The following NRXN1 variants were observed in gnomAD, a reference collection of about 807,000 sequenced individuals.
The protein encoded by NRXN1 is neurexin 1, also known as neurexin-1.
NRXN1 carries 39 observed loss-of-function variants against 150.9 expected under a neutral mutation model. The ratio of observed to expected loss-of-function variants is 0.26; its 90% CI spans 0.20 to 0.34. The LOEUF is 0.34. NRXN1 is among the 10% of genes least tolerant of loss of function. The probability of loss-of-function intolerance (pLI) is 1.00; values close to 1 mark genes in which losing one functional copy is unlikely to be tolerated. For missense variants in NRXN1, 1,815 were observed against 1,949.9 expected (o/e 0.93, Z 1.30); for synonymous variants, 924 against 757.0 (o/e 1.22, Z -3.62).
intron 17 of NRXN1, among the ~76,000 whole-genome samples, chr2:50,446,449 A>G (rs1469234073): frequency 1.2e-5 from 1 of 86,720 alleles, no homozygotes; most frequent in African/African-American, 4.7e-5. Context: ...CCTTCCTTCC[A>G]TCCTTTCCCC....
intron 17 of NRXN1, among the ~76,000 whole-genome samples, chr2:50,261,627 C>G (rs1464916043): frequency 4.6e-5 from 7 of 151,726 alleles, no homozygotes; most frequent in African/African-American, 1.5e-4. Context: ...ATAAACCAAC[C>G]AAAACAGTGT....
chr2:50,996,741 T>C (rs1272737858), intron 2 of NRXN1, among the ~76,000 whole-genome samples: 1 of 146,656 alleles, frequency 6.8e-6, no homozygotes, highest in African/African-American at 2.8e-5. Context: ...GAAAATTGGC[T>C]GAGCTAGGAC....
intron 2 of NRXN1, among the ~76,000 whole-genome samples, chr2:51,012,137 C>T (rs1173180333): frequency 1.3e-5 from 2 of 151,904 alleles, no homozygotes; most frequent in Non-Finnish European, 2.9e-5. Context: ...CGTTGTTTCA[C>T]CAAAAAATAA....
intron 17 of NRXN1, among the ~76,000 whole-genome samples, chr2:50,341,483 TTTCA>T (rs1171750474): frequency 6.6e-6 from 1 of 152,226 alleles, no homozygotes; most frequent in Non-Finnish European, 1.5e-5. Context: ...CTTATTGTAT[TTTCA>T]TTTTATAAAT....
At chr2:50,089,963 T>A (rs1699346715) in intron 19 of NRXN1, among the ~76,000 whole-genome samples, 1 of 152,230 alleles carries the variant, frequency 6.6e-6, no homozygotes, top group African/African-American at 2.4e-5. Flanking sequence ...ATGGTTCACA[T>A]AATTGTAGTG....
chr2:50,269,433 C>T (rs936482701), intron 17 of NRXN1, among the ~76,000 whole-genome samples: 4 of 152,182 alleles, frequency 2.6e-5, no homozygotes, highest in African/African-American at 9.6e-5. Context: ...TCCATGATTA[C>T]GTCTACGTAT....
chr2:50,898,625 C>G (rs779272541), intron 5 of NRXN1: 1 of 468,782 alleles, frequency 2.1e-6, no homozygotes, highest in African/African-American at 2.0e-5. Context: ...ATGAGGTTAT[C>G]ATTCAATTGT....
At chr2:50,477,037 G>A (rs2090048762) in intron 15 of NRXN1, among the ~76,000 whole-genome samples, 2 of 152,022 alleles carry the variant, frequency 1.3e-5, no homozygotes. Context: ...AGAAAGTATG[G>A]GAGACATTAC....
At chr2:50,981,457 CAAAAAAAAAAAA>C (rs70958635) in intron 2 of NRXN1, among the ~76,000 whole-genome samples, 7 of 23,272 alleles carry the variant, frequency 3.0e-4, no homozygotes, top group Non-Finnish European at 5.2e-4. Flanking sequence ...AACTCTATCT[CAAAAAAAAAAAA>C]AAAAAAAAAA....
rs1575170053 is a variant in NRXN1 at position 50,347,068 on chromosome 2, C to G, written c.3365-110098G>C. On this transcript the variant is annotated intron_variant, in intron 17 of 22. Coordinates refer to ENST00000401669, the MANE Select transcript of NRXN1 (RefSeq NM_001330078.2). This position sits in a 1 kb window ranked among gnomAD's most constrained non-coding sequence, Gnocchi z 4.9. ...GGCTGAGGGGCCGGCCGCCTCACCG[C>G]GCCAGGGCACCCATCCTCTCCCTCC... The G allele has an allele frequency of 3.6e-6, 5 of 1,379,632 alleles. No individual in the cohort carries two copies. Among genetic ancestry groups the G allele is most frequent in the East Asian group, 4.3e-5 (1 of 23,400 alleles). The allele number at this position is 1,379,632 out of a possible 1,614,324, so 85.5% of individuals were successfully genotyped here.
Position 50,094,646 on chromosome 2 carries a change from G to T in NRXN1, c.3547-3152C>A, listed in dbSNP as rs141891354. Among the ~76,000 whole-genome samples, 390 of 152,066 alleles carry T rather than the reference G, an allele frequency of 2.6e-3. 18 individuals are homozygous for T. In the East Asian group the frequency reaches 0.061, roughly 24 times the overall value. ...AGGAGCCACTTGTGCATTAGGGTTTGTTAGGACAAAGGACACTTGTGGACC... is the reference window on the plus strand; with the variant it reads ...AGGAGCCACTTGTGCATTAGGGTTTTTTAGGACAAAGGACACTTGTGGACC... On this transcript the variant is annotated intron_variant, in intron 18 of 22. Coordinates refer to ENST00000401669, the MANE Select transcript of NRXN1 (RefSeq NM_001330078.2).
chr2:50,430,819 C>T (rs932747086), intron 17 of NRXN1, among the ~76,000 whole-genome samples: 2 of 152,148 alleles, frequency 1.3e-5, no homozygotes, highest in African/African-American at 2.4e-5. Context: ...ACCATTTGGA[C>T]ACCTTTTGAT....
chr2:50,567,959 G>A (rs2105438642), intron 8 of NRXN1, among the ~76,000 whole-genome samples: 2 of 152,204 alleles, frequency 1.3e-5, no homozygotes, highest in South Asian at 4.1e-4. Flanking sequence ...TACAATGTCT[G>A]TGGAGCTGTG....
At chr2:50,980,919 C>T (rs559408288) in intron 2 of NRXN1, among the ~76,000 whole-genome samples, 2 of 151,914 alleles carry the variant, frequency 1.3e-5, no homozygotes, top group African/African-American at 2.4e-5. Context: ...CCTGCTGTGC[C>T]CTAACACTTT....
At chr2:50,061,716 C>T (rs1188773174) in intron 19 of NRXN1, among the ~76,000 whole-genome samples, 1 of 152,126 alleles carries the variant, frequency 6.6e-6, no homozygotes, top group Non-Finnish European at 1.5e-5. Flanking sequence ...TAAAAGATAA[C>T]AATTTAGTCT....
At chr2:50,216,317 A>G (rs145977010) in intron 18 of NRXN1, among the ~76,000 whole-genome samples, 337 of 152,182 alleles carry the variant, frequency 2.2e-3, no homozygotes, top group African/African-American at 7.8e-3. Context: ...ATTTTAAGAT[A>G]CTTGTTATTG....
At chr2:50,486,372 AC>A (rs541367334) in intron 15 of NRXN1, among the ~76,000 whole-genome samples, 82 of 152,340 alleles carry the variant, frequency 5.4e-4, no homozygotes, top group African/African-American at 1.8e-3. Flanking sequence ...TCAGTTTTCT[AC>A]AATACCACTC....
chr2:50,386,676 A>G (rs1466417492), intron 17 of NRXN1, among the ~76,000 whole-genome samples: 6 of 152,200 alleles, frequency 3.9e-5, no homozygotes, highest in Non-Finnish European at 7.3e-5. Context: ...TCAGGATACC[A>G]AGTTGCAATG....
chr2:50,285,806 C>G (rs1044093884), intron 17 of NRXN1, among the ~76,000 whole-genome samples: 2 of 151,668 alleles, frequency 1.3e-5, no homozygotes, highest in Non-Finnish European at 2.9e-5. Flanking sequence ...AATACCCATA[C>G]AGCACACCTT....
Sources: gnomAD v4.1 joint callset for allele counts (sites outside exome capture counted in the v4.1 genomes callset) on GRCh38, gnomAD v4.1.1 for gene constraint, Gnocchi (gnomAD v3.1) non-coding constraint, MANE v1.5 for transcripts, NCBI Gene and HGNC (gene_info 2026-07-23, HGNC 2026-07-21) for gene names.